Variants in DLC1 observed in about 807,000 individuals in gnomAD.
DLC1 encodes rho GTPase-activating protein 7.
A neutral mutation model predicts 140.3 loss-of-function variants in DLC1; 54 were observed. That is an observed-to-expected ratio of 0.38 (90% confidence interval 0.31 to 0.48). DLC1 has a LOEUF of 0.48. DLC1 is among the 20% of genes least tolerant of loss of function. The pLI, the probability that DLC1 is intolerant of heterozygous loss-of-function variation, is 0.96. For missense variants in DLC1, 2,536 were observed against 1,907.0 expected, an observed-to-expected ratio of 1.33 and a Z score of -6.14; for synonymous variants, 986 against 728.1, an observed-to-expected ratio of 1.35 and a Z score of -5.70.
At chr8:13,422,895 T>G (rs546745567) in intron 2 of DLC1, among the ~76,000 whole-genome samples, 1 of 152,206 alleles carries the variant, frequency 6.6e-6, no homozygotes, top group South Asian at 2.1e-4. Flanking sequence ...CAGGGTCAGC[T>G]TCATAGAGAA....
chr8:13,160,823 C>G (rs6992770), intron 5 of DLC1, among the ~76,000 whole-genome samples: 79,780 of 152,098 alleles, frequency 0.52, 21,349 homozygotes, highest in East Asian at 0.59. Context: ...TGGTGGCTCA[C>G]GCCTGTAATC....
chr8:13,167,808 A>G (rs1563130603), intron 5 of DLC1, among the ~76,000 whole-genome samples: 1 of 152,104 alleles, frequency 6.6e-6, no homozygotes, highest in Non-Finnish European at 1.5e-5. Flanking sequence ...GCCTTAAGTA[A>G]CTCCAACTGG....
At chr8:13,160,027 A>G (rs1161795074) in intron 5 of DLC1, among the ~76,000 whole-genome samples, 1 of 152,118 alleles carries the variant, frequency 6.6e-6, no homozygotes, top group Non-Finnish European at 1.5e-5. Flanking sequence ...GTGTCCTGGC[A>G]CACGCCTATA....
In DLC1 at chr8:13,514,748, T is replaced by G. The variant is rs927670694; in HGVS notation, c.-272A>C. 1 of 398,004 alleles carries G rather than the reference T, an allele frequency of 2.5e-6. No individual in the cohort carries two copies. The highest frequency in any genetic ancestry group is 3.6e-5 in the East Asian group (1 of 28,058). The allele number at this position is 398,004 out of a possible 1,614,324, so 24.7% of individuals were successfully genotyped here. A position where few individuals can be genotyped will look rare whatever the true frequency, so the allele number is the denominator to read the frequency against. On this transcript the variant is annotated 5_prime_UTR_variant, in exon 1 of 18. Transcript: ENST00000276297. ...CTCTATTCTGAGCAGTTTCACGCAG[T>G]GTGTGAGTCTAACAAAAACACCCTC...
chr8:13,567,480 C>G, intron 1 of DLC1: 1 of 1,552,054 alleles, frequency 6.4e-7, no homozygotes, highest in Non-Finnish European at 8.7e-7. Flanking sequence ...AGAGAGATGC[C>G]TTTAGTTGTA....
In DLC1 at chr8:13,281,649, CT is replaced by C. The variant is rs527247067; in HGVS notation, c.1348+23619del. ...GGTTCAGAGACTTGCTCTACAACTT[CT>C]GATATATACCAAAATCACACTATCT... On this transcript the variant is annotated intron_variant, in intron 5 of 17. Transcript: ENST00000276297. Among the ~76,000 whole-genome samples the C allele has an allele frequency of 1.5e-4, 23 of 152,284 alleles. 1 individual carries two copies. The South Asian group carries it at 2.9e-3, about 19-fold the overall frequency.
intron 4 of DLC1, among the ~76,000 whole-genome samples, chr8:13,310,333 A>G (rs751825346): frequency 2.0e-5 from 3 of 151,682 alleles, no homozygotes; most frequent in Non-Finnish European, 4.4e-5. Context: ...GGCTTAATTC[A>G]GAGAAAAATC....
At chr8:13,118,545 C>G (rs963541027) in intron 5 of DLC1, among the ~76,000 whole-genome samples, 2 of 152,188 alleles carry the variant, frequency 1.3e-5, no homozygotes, top group African/African-American at 2.4e-5. Context: ...CCCTAACCCA[C>G]TGCTTTGTAG....
chr8:13,426,866 G>C (rs1838609319), intron 2 of DLC1, among the ~76,000 whole-genome samples: 1 of 151,954 alleles, frequency 6.6e-6, no homozygotes, highest in Admixed American at 6.6e-5. Context: ...GCAATCATTA[G>C]AGCTTACCTC....
At chr8:13,505,760 C>G (rs1366898961) in intron 1 of DLC1, among the ~76,000 whole-genome samples, 1 of 152,164 alleles carries the variant, frequency 6.6e-6, no homozygotes, top group African/African-American at 2.4e-5. Flanking sequence ...CTTTCAGTTT[C>G]CTTTCCTTCC....
chr8:13,201,388 A>G (rs551056243), intron 5 of DLC1, among the ~76,000 whole-genome samples: 2 of 152,338 alleles, frequency 1.3e-5, no homozygotes, highest in African/African-American at 2.4e-5. Flanking sequence ...TGTAAAACCT[A>G]CATTAAAAAA....
At chr8:13,343,385 C>G (rs564481267) in intron 4 of DLC1, among the ~76,000 whole-genome samples, 3 of 152,222 alleles carry the variant, frequency 2.0e-5, no homozygotes, top group African/African-American at 7.2e-5. Flanking sequence ...GTGTGGTGTC[C>G]TCAATCAGTT....
intron 5 of DLC1, among the ~76,000 whole-genome samples, chr8:13,128,875 G>A (rs577800138): frequency 0.018 from 698 of 38,336 alleles, 6 homozygotes; most frequent in Middle Eastern, 0.026. Flanking sequence ...TAAGCTTAAT[G>A]TGAAGGCTTT....
chr8:13,244,631 C>T (rs921268317), intron 5 of DLC1, among the ~76,000 whole-genome samples: 2 of 152,078 alleles, frequency 1.3e-5, no homozygotes, highest in East Asian at 3.9e-4. Context: ...CTCTCCTCCT[C>T]CCACTTTACC....
intron 4 of DLC1, among the ~76,000 whole-genome samples, chr8:13,385,105 G>A (rs1836458765): frequency 6.6e-6 from 1 of 152,114 alleles, no homozygotes; most frequent in Non-Finnish European, 1.5e-5. Context: ...GCCCTAGAGT[G>A]CATGGTGGGA....
intron 2 of DLC1, among the ~76,000 whole-genome samples, chr8:13,482,293 GCA>G (rs745835139): frequency 2.6e-5 from 4 of 152,142 alleles, no homozygotes; most frequent in Non-Finnish European, 1.5e-5. Flanking sequence ...TATATCTAAT[GCA>G]CAGATTGGAG....
At chr8:13,538,955 A>T (rs928819959) in intron 1 of DLC1, among the ~76,000 whole-genome samples, 2 of 151,826 alleles carry the variant, frequency 1.3e-5, no homozygotes, top group African/African-American at 4.8e-5. Context: ...TTTTTCTCTC[A>T]CTCTTAAAAT....
At chr8:13,401,395 C>A (rs531831533) in intron 3 of DLC1, 75 bp downstream of exon 3, 1 of 1,543,078 alleles carries the variant, frequency 6.5e-7, no homozygotes, top group Non-Finnish European at 8.7e-7. Flanking sequence ...AAGGATGTTG[C>A]CTTTGCAAGA....
intron 2 of DLC1, among the ~76,000 whole-genome samples, chr8:13,449,028 T>G (rs1563355932): frequency 6.6e-6 from 1 of 152,158 alleles, no homozygotes; most frequent in Non-Finnish European, 1.5e-5. Flanking sequence ...TTCAGGCATT[T>G]CATGGATTAC....
Sources: allele counts gnomAD v4.1 joint callset (sites outside exome capture counted in the v4.1 genomes callset), GRCh38; gene constraint gnomAD v4.1.1; transcripts MANE v1.5; gene names NCBI Gene and HGNC (gene_info 2026-07-23, HGNC 2026-07-21).